Variants in TDRD9 observed in about 807,000 individuals in gnomAD.
The protein encoded by TDRD9 is ATP-dependent RNA helicase TDRD9.
TDRD9 carries 124 observed loss-of-function variants against 172.6 expected under a neutral mutation model. That is an observed-to-expected ratio of 0.72 (90% CI 0.62 to 0.83). The LOEUF (loss-of-function observed/expected upper bound fraction) is 0.83, where lower values mean the gene tolerates loss of function less well. TDRD9 is among the 40% of genes least tolerant of loss of function. The pLI is 0.00. For missense variants in TDRD9, 1,479 were observed against 1,714.1 expected (o/e 0.86, Z 2.42); for synonymous variants, 619 against 617.1 (o/e 1.00, Z -0.05).
rs1044678638 is a variant in TDRD9 at position 104,034,007 on chromosome 14, A to G, written c.3557A>G (p.Asp1186Gly). ...AGCATCAACTCTGTCATTATCAGTGACGCCCCTGAAGACCTTCACCAGAGA... is the reference window on the plus strand; with the variant it reads ...AGCATCAACTCTGTCATTATCAGTGGCGCCCCTGAAGACCTTCACCAGAGA... Reference protein sequence around the residue: ...KESINSVIISDAPEDLHQRML... With the variant: ...KESINSVIISGAPEDLHQRML... Residue 1186 changes from aspartate (D) to glycine (G), a missense_variant, in exon 31 of 36, where the codon GAC (aspartate) becomes GGC (glycine). Physicochemically the swap from Asp to Gly is moderately conservative, Grantham distance 94. Around this residue, in one of 3 missense-constraint regions of TDRD9, gnomAD observed 1,413 missense variants for 1,649.1 expected, o/e 0.86. Transcript: ENST00000409874. The G allele has an allele frequency of 1.3e-6, 2 of 1,551,500 alleles. No homozygotes were observed. Among genetic ancestry groups the G allele is most frequent in the Non-Finnish European group, 1.7e-6 (2 of 1,146,754 alleles).
At chr14:104,022,067 T>C (rs1296170232) in intron 23 of TDRD9, 90 bp from the exon 24 acceptor site, 7 of 984,546 alleles carry the variant, frequency 7.1e-6, no homozygotes, top group African/African-American at 1.7e-5. Context: ...AGGAGAGATG[T>C]GACAGAATTT....
chr14:103,951,129 T>TA (rs1228598928), intron 1 of TDRD9, among the ~76,000 whole-genome samples: 6 of 152,196 alleles, frequency 3.9e-5, no homozygotes, highest in Non-Finnish European at 7.3e-5. Context: ...CTTTCCTTGT[T>TA]AAAAAACCAA....
Position 103,965,267 on chromosome 14 carries a change from T to A in TDRD9, c.421-66T>A, listed in dbSNP as rs1042335073. 1.0e-5 allele frequency: 14 copies of A among 1,392,600 alleles called. 1 individual carries two copies. In the Middle Eastern group the frequency reaches 1.1e-3, roughly 109 times the overall value. 86.3% of individuals were successfully genotyped at this position (1,392,600 alleles called of 1,614,324 possible). ...AGAAAAATAAATCCTGAAAGACTTCTTAATATAGGTGATACTTTACATTGC... is the reference window on the plus strand; with the variant it reads ...AGAAAAATAAATCCTGAAAGACTTCATAATATAGGTGATACTTTACATTGC... On this transcript the variant is annotated intron_variant, in intron 3 of 35. Coordinates refer to ENST00000409874, the MANE Select transcript of TDRD9 (RefSeq NM_153046.3).
Position 104,052,264 on chromosome 14 carries a change from C to A in TDRD9, c.*182C>A. 2.2e-6 allele frequency: 1 copy of A among 451,664 alleles called. No homozygotes were observed. Among genetic ancestry groups the A allele is most frequent in the Non-Finnish European group, 4.0e-6 (1 of 251,526 alleles). 28.0% of individuals were successfully genotyped at this position (451,664 alleles called of 1,614,324 possible). ...ATAGTCAGAGAGTGGTGTTTTTGTTCAGGTGGGAAGGATTGGAAACTCTAG... is the reference window on the plus strand; with the variant it reads ...ATAGTCAGAGAGTGGTGTTTTTGTTAAGGTGGGAAGGATTGGAAACTCTAG... On this transcript the variant is annotated 3_prime_UTR_variant, in exon 36 of 36. Transcript: ENST00000409874.
chr14:103,955,150 C>T (rs139320641), intron 1 of TDRD9, among the ~76,000 whole-genome samples: 1,888 of 152,182 alleles, frequency 0.012, 14 homozygotes, highest in Non-Finnish European at 0.019. Flanking sequence ...TCTCGAACTT[C>T]TGAGCACAAA....
At position 103,938,406 on chromosome 14, in the gene TDRD9, GTGTGTGTGTA is replaced by G. The variant is rs545560279; in HGVS notation, c.215+9684_215+9693del. ...TATGTGTGTGTGTGTGTGTGTGTGT[GTGTGTGTGTA>G]TATATATATATATATATATATATAT... is the stretch of plus-strand genomic sequence containing the variant. On this transcript the variant is annotated intron_variant, in intron 1 of 35. Coordinates refer to ENST00000409874, the MANE Select transcript of TDRD9 (RefSeq NM_153046.3). 5.9e-3 allele frequency among the ~76,000 whole-genome samples: 440 copies of G among 74,532 alleles called. 4 individuals are homozygous for G. The highest frequency in any genetic ancestry group is 0.011 in the African/African-American group (196 of 17,706). The allele number at this position is 74,532 out of a possible 152,430, so 48.9% of individuals were successfully genotyped here. A position where few individuals can be genotyped will look rare whatever the true frequency, so the allele number is the denominator to read the frequency against.
At position 104,042,130 on chromosome 14, in the gene TDRD9, G is replaced by A. The variant is rs1417054317; in HGVS notation, c.3917G>A (p.Cys1306Tyr). 1 of 1,613,830 alleles carries A rather than the reference G, an allele frequency of 6.2e-7. No homozygotes were observed. The highest frequency in any genetic ancestry group is 2.2e-5 in the East Asian group (1 of 44,874). ...TGTGATGGACCAAATGGATGCAAGT[G>A]TCTTGGGCCAGAGAGAGTTGCGCAG... Reference protein sequence around the residue: ...LVCDGPNGCKCLGPERVAQLQ... With the variant: ...LVCDGPNGCKYLGPERVAQLQ... The change falls in exon 34 of 36, where the codon TGT (cysteine) becomes TAT (tyrosine). Residue 1306 changes from cysteine to tyrosine, a missense_variant. Around this residue, in one of 3 missense-constraint regions of TDRD9, gnomAD observed 1,413 missense variants for 1,649.1 expected, o/e 0.86. Coordinates refer to ENST00000409874, the MANE Select transcript of TDRD9 (RefSeq NM_153046.3).
At chr14:103,932,073 G>A (rs999010658) in intron 1 of TDRD9, among the ~76,000 whole-genome samples, 2 of 152,164 alleles carry the variant, frequency 1.3e-5, no homozygotes, top group South Asian at 2.1e-4. Context: ...AGTAGGGAAC[G>A]CAACTCTGCT....
intron 1 of TDRD9, among the ~76,000 whole-genome samples, chr14:103,930,808 C>T (rs75065424): frequency 0.023 from 3,461 of 152,164 alleles, 77 homozygotes; most frequent in East Asian, 0.071. Flanking sequence ...ATTAAATAAC[C>T]CATTGTAATA....
At chr14:104,038,627 G>A (rs1596021809) in intron 32 of TDRD9, among the ~76,000 whole-genome samples, 1 of 152,318 alleles carries the variant, frequency 6.6e-6, no homozygotes, top group East Asian at 1.9e-4. Context: ...TCAGCATGGT[G>A]GGTTGGTGCT....
chr14:103,965,682 T>G, intron 4 of TDRD9, 128 bp downstream of exon 4: 1 of 849,178 alleles, frequency 1.2e-6, no homozygotes, highest in Non-Finnish European at 1.8e-6. Flanking sequence ...TTGTGTCTCA[T>G]GCCTGTAATC....
intron 28 of TDRD9, 56 bp downstream of exon 28, chr14:104,026,995 G>A: frequency 6.3e-7 from 1 of 1,575,414 alleles, no homozygotes; most frequent in South Asian, 1.2e-5. Flanking sequence ...AACGGGGCAG[G>A]CTTTCCTTCC....
In TDRD9 at chr14:104,051,965, T is replaced by C. The variant is rs761061991; in HGVS notation, c.4048-16T>C. On this transcript the variant is annotated splice_polypyrimidine_tract_variant and intron_variant, in intron 35 of 35. Coordinates refer to ENST00000409874, the MANE Select transcript of TDRD9 (RefSeq NM_153046.3). ...CTGTCACAGAGCCTGACTGGTCCGC[T>C]TGTCTACCCCATTAGGTTGATCCAA... 2.6e-6 allele frequency: 4 copies of C among 1,568,168 alleles called. No individual in the cohort carries two copies. Among genetic ancestry groups the C allele is most frequent in the Non-Finnish European group, 3.5e-6 (4 of 1,153,630 alleles).
Position 103,965,515 on chromosome 14 carries a change from A to AT in TDRD9, c.603_604insT (p.Glu202Ter), listed in dbSNP as rs1205450410. The AT allele has an allele frequency of 6.6e-7, 1 of 1,515,068 alleles. No individual in the cohort carries two copies. The highest frequency in any genetic ancestry group is 8.9e-7 in the Non-Finnish European group (1 of 1,126,294). 93.9% of individuals were successfully genotyped at this position (1,515,068 alleles called of 1,614,324 possible). On this transcript the variant is annotated frameshift_variant, in exon 4 of 36. Coordinates refer to ENST00000409874, the MANE Select transcript of TDRD9 (RefSeq NM_153046.3). LOFTEE classifies it high-confidence loss of function. ...GCAGCATCGCCAGGTGGATCAGTAA[A>AT]GAGCGTGCCTGGACCCTGGGAGGTG...
At chr14:104,009,638 G>C (rs905710763) in intron 20 of TDRD9, among the ~76,000 whole-genome samples, 1 of 151,904 alleles carries the variant, frequency 6.6e-6, no homozygotes, top group Non-Finnish European at 1.5e-5. Flanking sequence ...TTTTTAACTT[G>C]ATAAACTTTT....
chr14:104,009,048 A>C (rs573106828), intron 20 of TDRD9, among the ~76,000 whole-genome samples: 1 of 152,386 alleles, frequency 6.6e-6, no homozygotes, highest in South Asian at 2.1e-4. Context: ...AGCATAGAAC[A>C]TACTTACACA....
chr14:104,022,283 T>C lies in TDRD9; in HGVS notation c.2559T>C (p.Ile853=), dbSNP rs1171599593. Residue 853 remains isoleucine, a synonymous_variant, in exon 24 of 36, where the codon ATT becomes ATC. Coordinates refer to ENST00000409874, the MANE Select transcript of TDRD9 (RefSeq NM_153046.3). ...TCAGCGTTCATTCTGCAGAGGAAAT[T>C]GAAGGGAAGGTGCAAGGCATGAACG... The part of the protein sequence containing the change: ...LELSVHSAEE[I]EGKVQGMNVS... 6.2e-7 allele frequency: 1 copy of C among 1,613,636 alleles called. No homozygotes were observed.
intron 24 of TDRD9, among the ~76,000 whole-genome samples, chr14:104,023,699 A>G (rs1166946610): frequency 6.6e-6 from 1 of 152,220 alleles, no homozygotes; most frequent in Non-Finnish European, 1.5e-5. Flanking sequence ...TTAATTGTAG[A>G]GTTTTCAGTT....
At chr14:103,945,943 A>G (rs765765219) in intron 1 of TDRD9, among the ~76,000 whole-genome samples, 2 of 151,392 alleles carry the variant, frequency 1.3e-5, no homozygotes, top group African/African-American at 4.8e-5. Context: ...AGGATTTTTC[A>G]TTGTGGGAAG....
Sources: allele counts gnomAD v4.1 joint callset (sites outside exome capture counted in the v4.1 genomes callset), GRCh38; gene constraint gnomAD v4.1.1; regional missense constraint gnomAD v4.1.1; transcripts MANE v1.5; gene names NCBI Gene and HGNC (gene_info 2026-07-23, HGNC 2026-07-21).